The following BRD10 variants were observed in gnomAD, a reference collection of about 807,000 sequenced individuals.
BRD10 encodes uncharacterized bromodomain-containing protein 10.
the BRD10 span, among the ~76,000 whole-genome samples, chr9:5,911,032 GCTT>G: frequency 6.6e-6 from 1 of 152,316 alleles, no homozygotes; most frequent in African/African-American, 2.4e-5. Flanking sequence ...CTGTGCAGAA[GCTT>G]CTTAACTTGA....
the BRD10 span, among the ~76,000 whole-genome samples, chr9:5,916,704 T>C: frequency 6.6e-6 from 1 of 152,216 alleles, no homozygotes; most frequent in South Asian, 2.1e-4. Flanking sequence ...TTCAGCATCT[T>C]TTAACTTAGT....
At chr9:5,939,191 T>C in the BRD10 span, among the ~76,000 whole-genome samples, 1 of 152,268 alleles carries the variant, frequency 6.6e-6, no homozygotes, top group African/African-American at 2.4e-5. Context: ...AAAGCCGTTA[T>C]TAATGTTATA....
At chr9:5,894,504 C>T in the BRD10 span, among the ~76,000 whole-genome samples, 1 of 152,166 alleles carries the variant, frequency 6.6e-6, no homozygotes, top group East Asian at 1.9e-4. The surrounding 1 kb of genome is among the most constrained non-coding windows in gnomAD (Gnocchi z 4.0). Context: ...GAAATGGGAC[C>T]CAGATCTCTA....
chr9:6,007,207 G>C, the BRD10 span: 3 of 1,612,568 alleles, frequency 1.9e-6, no homozygotes, highest in East Asian at 2.2e-5. Context: ...AGAGAGAAGC[G>C]CTAACTTCTG....
At chr9:5,879,840 C>T in the BRD10 span, among the ~76,000 whole-genome samples, 2 of 152,166 alleles carry the variant, frequency 1.3e-5, no homozygotes, top group African/African-American at 4.8e-5. Flanking sequence ...CTAAAAAATC[C>T]CATAGCTCGG....
At chr9:5,878,888 T>C in the BRD10 span, among the ~76,000 whole-genome samples, 6 of 152,238 alleles carry the variant, frequency 3.9e-5, no homozygotes. Context: ...TCCAATCTTA[T>C]CGGACCAATA....
chr9:6,002,572 G>T, the BRD10 span, among the ~76,000 whole-genome samples: 1 of 151,782 alleles, frequency 6.6e-6, no homozygotes, highest in Non-Finnish European at 1.5e-5. Flanking sequence ...AAGCCAGTAA[G>T]AATTCAAATT....
At chr9:5,979,805 C>CAGG in the BRD10 span, among the ~76,000 whole-genome samples, 2 of 151,840 alleles carry the variant, frequency 1.3e-5, no homozygotes, top group Non-Finnish European at 2.9e-5. Context: ...CACCTGAGGT[C>CAGG]AGGAGTTCCA....
At chr9:5,983,577 A>G in the BRD10 span, among the ~76,000 whole-genome samples, 1 of 152,164 alleles carries the variant, frequency 6.6e-6, no homozygotes, top group African/African-American at 2.4e-5. Context: ...AACAGAACTA[A>G]ATGTAACTTT....
chr9:5,914,589 A>C, the BRD10 span, among the ~76,000 whole-genome samples: 1 of 151,722 alleles, frequency 6.6e-6, no homozygotes, highest in South Asian at 2.1e-4. Context: ...ACGCTCGGCT[A>C]ATTTTTTGTA....
chr9:6,007,208 C>A, the BRD10 span: 1 of 1,612,818 alleles, frequency 6.2e-7, no homozygotes, highest in Non-Finnish European at 8.5e-7. Context: ...GAGAGAAGCG[C>A]TAACTTCTGC....
At chr9:5,889,027 G>C in the BRD10 span, among the ~76,000 whole-genome samples, 2 of 152,146 alleles carry the variant, frequency 1.3e-5, no homozygotes, top group African/African-American at 4.8e-5. Flanking sequence ...ACCGAAAAAA[G>C]GTCATGGTCA....
the BRD10 span, among the ~76,000 whole-genome samples, chr9:5,902,760 C>T: frequency 6.6e-6 from 1 of 151,946 alleles, no homozygotes; most frequent in Non-Finnish European, 1.5e-5. Flanking sequence ...TCCTGCCTTG[C>T]CCTCCCAAAG....
chr9:5,922,867 C>T, the BRD10 span: 16 of 1,613,778 alleles, frequency 9.9e-6, no homozygotes, highest in East Asian at 4.5e-5. Context: ...GGCTTGCTTC[C>T]GGAGGAGATA....
chr9:5,952,450 G>A, the BRD10 span, among the ~76,000 whole-genome samples: 2 of 152,164 alleles, frequency 1.3e-5, no homozygotes, highest in Non-Finnish European at 2.9e-5. Context: ...AACAATATAT[G>A]TGAGTGTACA....
chr9:5,905,667 G>C, the BRD10 span, among the ~76,000 whole-genome samples: 1 of 152,174 alleles, frequency 6.6e-6, no homozygotes, highest in Non-Finnish European at 1.5e-5. Context: ...GCTAACTAAA[G>C]AATACCTAAA....
chr9:5,974,958 T>G, the BRD10 span, among the ~76,000 whole-genome samples: 1 of 152,172 alleles, frequency 6.6e-6, no homozygotes, highest in African/African-American at 2.4e-5. Context: ...TCCAACTAAC[T>G]TAACTGCATT....
chr9:5,924,635 T>TAA, the BRD10 span: 7 of 1,407,134 alleles, frequency 5.0e-6, no homozygotes, highest in East Asian at 1.5e-4. Context: ...AGTGTTGACT[T>TAA]AAAAAAAAAG....
At chr9:5,915,093 A>T in the BRD10 span, among the ~76,000 whole-genome samples, 1 of 152,142 alleles carries the variant, frequency 6.6e-6, no homozygotes, top group East Asian at 1.9e-4. Flanking sequence ...TTTGTTCATG[A>T]TATTATTTGC....
Sources: allele counts gnomAD v4.1 joint callset (sites outside exome capture counted in the v4.1 genomes callset), GRCh38; gene constraint gnomAD v4.1.1; non-coding constraint Gnocchi (gnomAD v3.1); transcripts MANE v1.5; gene names NCBI Gene and HGNC (gene_info 2026-07-23, HGNC 2026-07-21).